The following DNAJC24 variants were observed in gnomAD, a reference collection of about 807,000 sequenced individuals.
DNAJC24 encodes the protein DnaJ heat shock protein family (Hsp40) member C24, also known as dnaJ homolog subfamily C member 24.
Under a neutral mutation model 18.0 loss-of-function variants are expected in DNAJC24, and 17 were observed. The ratio of observed to expected loss-of-function variants is 0.94; its 90% confidence interval spans 0.65 to 1.42. The LOEUF is 1.42. Among genes scored for constraint, DNAJC24 ranks in the 40% most tolerant of loss-of-function variants. DNAJC24 has a pLI of 0.00. For synonymous variants in DNAJC24, 55 were observed against 57.7 expected (o/e 0.95, Z 0.21); for missense variants, 158 against 175.6 (o/e 0.90, Z 0.57).
rs1024349378 is a variant in DNAJC24 at position 31,432,325 on chromosome 11, A to G, written c.*1924A>G. On this transcript the variant is annotated 3_prime_UTR_variant, in exon 5 of 5. Transcript: ENST00000465995. ...TTTTTTGGGTTACATTTTTATCCATATATTTTGAACTAACAGAACTTGGCA... is the reference window on the plus strand; with the variant it reads ...TTTTTTGGGTTACATTTTTATCCATGTATTTTGAACTAACAGAACTTGGCA... 2.1e-5 allele frequency: 11 copies of G among 517,576 alleles called. No homozygotes were observed. The highest frequency in any genetic ancestry group is 3.6e-5 in the Admixed American group (1 of 27,702). The allele number at this position is 517,576 out of a possible 1,614,324, so 32.1% of individuals were successfully genotyped here.
rs891356260 is a variant in DNAJC24, at chr11:31,373,065, T to A, written c.111+2206T>A. Among the ~76,000 whole-genome samples, 5 of 135,212 alleles carry A rather than the reference T, an allele frequency of 3.7e-5. 1 individual carries two copies. The highest frequency in any genetic ancestry group is 8.5e-5 in the Non-Finnish European group (5 of 58,524). The allele number at this position is 135,212 out of a possible 152,430, so 88.7% of individuals were successfully genotyped here. A position where few individuals can be genotyped will look rare whatever the true frequency, so the allele number is the denominator to read the frequency against. On this transcript the variant is annotated intron_variant, in intron 2 of 4. Transcript: ENST00000465995. Reference sequence around the variant, plus strand: ...GTATAATTTTCTTTTATGAAGTGTTTTTTTTTAAATTAAATATATTCTTGA... The same window carrying A: ...GTATAATTTTCTTTTATGAAGTGTTATTTTTTAAATTAAATATATTCTTGA...
rs538780221 is a variant in DNAJC24 at position 31,419,486 on chromosome 11, A to G, written c.250+4537A>G. On this transcript the variant is annotated intron_variant, in intron 3 of 4. Transcript: ENST00000465995. The stretch of plus-strand genomic sequence containing the variant: ...GAATGCAAATAACTGTGCAATGAAA[A>G]TGTATTTTAGGATCATTTCTCATTG... Among the ~76,000 whole-genome samples, 95 of 152,154 alleles carry G rather than the reference A, an allele frequency of 6.2e-4. 1 individual carries two copies. The highest frequency in any genetic ancestry group is 3.4e-3 in the Middle Eastern group (1 of 294).
intron 2 of DNAJC24, among the ~76,000 whole-genome samples, chr11:31,396,912 C>T (rs1952546899): frequency 6.6e-6 from 1 of 152,090 alleles, no homozygotes; most frequent in African/African-American, 2.4e-5. Flanking sequence ...ACTCTAATAC[C>T]CATTTTAGTA....
chr11:31,426,228 C>G (rs1952859721), intron 3 of DNAJC24, 59 bp from the exon 4 acceptor site: 1 of 1,135,432 alleles, frequency 8.8e-7, no homozygotes, highest in Admixed American at 2.4e-5. Context: ...TAGCATTCTT[C>G]AAGGTTACAA....
At chr11:31,407,247 T>C (rs372769647) in intron 2 of DNAJC24, among the ~76,000 whole-genome samples, 18 of 152,190 alleles carry the variant, frequency 1.2e-4, no homozygotes, top group African/African-American at 4.3e-4. Flanking sequence ...CTTTTCATGG[T>C]TTATTGTTAC....
chr11:31,381,498 G>A (rs1186439312), intron 2 of DNAJC24, among the ~76,000 whole-genome samples: 4 of 151,826 alleles, frequency 2.6e-5, no homozygotes, highest in Non-Finnish European at 2.9e-5. Context: ...TAGGATAAGT[G>A]TCTGGAAAAG....
At chr11:31,411,419 G>A (rs1344680522) in intron 2 of DNAJC24, among the ~76,000 whole-genome samples, 1 of 152,156 alleles carries the variant, frequency 6.6e-6, no homozygotes, top group South Asian at 2.1e-4. Context: ...AACTTGGGTG[G>A]TTTCAAATAT....
intron 2 of DNAJC24, among the ~76,000 whole-genome samples, chr11:31,413,471 C>T (rs1055377574): frequency 2.0e-5 from 3 of 151,676 alleles, no homozygotes; most frequent in Non-Finnish European, 4.4e-5. Flanking sequence ...GCTGGGATTA[C>T]AGGCGCCCAC....
At chr11:31,393,366 A>G (rs1952516735) in intron 2 of DNAJC24, among the ~76,000 whole-genome samples, 1 of 152,188 alleles carries the variant, frequency 6.6e-6, no homozygotes, top group Non-Finnish European at 1.5e-5. Flanking sequence ...AGAGACCAAG[A>G]GCACTCTCTA....
chr11:31,394,767 C>G (rs1349200291), intron 2 of DNAJC24, among the ~76,000 whole-genome samples: 3 of 151,030 alleles, frequency 2.0e-5, no homozygotes, highest in Non-Finnish European at 4.4e-5. Context: ...GAATTAAACA[C>G]CCAGGTAAAA....
At chr11:31,417,188 C>T (rs1439923788) in intron 3 of DNAJC24, 1 of 151,996 alleles carries the variant, frequency 6.6e-6, no homozygotes, top group African/African-American at 2.4e-5. Context: ...CCAGAGGCTC[C>T]AAATACTGAC....
Position 31,432,595 on chromosome 11 carries a change from C to T in DNAJC24, c.*2194C>T, listed in dbSNP as rs1403428219. The T allele has an allele frequency of 6.7e-7, 1 of 1,500,704 alleles. No homozygotes were observed. The highest frequency in any genetic ancestry group is 9.3e-7 in the Non-Finnish European group (1 of 1,076,920). 93.0% of individuals were successfully genotyped at this position (1,500,704 alleles called of 1,614,324 possible). A position where few individuals can be genotyped will look rare whatever the true frequency, so the allele number is the denominator to read the frequency against. On this transcript the variant is annotated 3_prime_UTR_variant, in exon 5 of 5. Coordinates refer to ENST00000465995, the MANE Select transcript of DNAJC24 (RefSeq NM_181706.5). ...TGTAAAATCAAAATGAGGTTGAAGA[C>T]AATTAGTGAAAGTAATGTTATAGTA...
chr11:31,381,673 C>A (rs1952378175), intron 2 of DNAJC24, among the ~76,000 whole-genome samples: 1 of 151,270 alleles, frequency 6.6e-6, no homozygotes, highest in Non-Finnish European at 1.5e-5. Context: ...CTTCCCAGTT[C>A]AAGCAATTCT....
intron 4 of DNAJC24, among the ~76,000 whole-genome samples, chr11:31,428,427 A>T (rs1035377407): frequency 6.6e-6 from 1 of 152,120 alleles, no homozygotes; most frequent in African/African-American, 2.4e-5. Flanking sequence ...TTTGAGCTAA[A>T]TTTTTTTTCC....
chr11:31,372,865 A>G lies in DNAJC24; in HGVS notation c.111+2006A>G, dbSNP rs1267803720. On this transcript the variant is annotated intron_variant, in intron 2 of 4. Coordinates refer to ENST00000465995, the MANE Select transcript of DNAJC24 (RefSeq NM_181706.5). ...TTTGTAAGATGTGTGGCAGGATCCT[A>G]GATGCCAGTAACAACCAAAAATGCC... 1.5e-5 allele frequency among the ~76,000 whole-genome samples: 2 copies of G among 134,572 alleles called. 1 individual carries two copies. Among genetic ancestry groups the G allele is most frequent in the Non-Finnish European group, 3.4e-5 (2 of 58,326 alleles). The allele number at this position is 134,572 out of a possible 152,430, so 88.3% of individuals were successfully genotyped here.
chr11:31,377,365 T>C (rs1245351074), intron 2 of DNAJC24, among the ~76,000 whole-genome samples: 2 of 152,122 alleles, frequency 1.3e-5, no homozygotes, highest in African/African-American at 2.4e-5. Flanking sequence ...TAGAATACTT[T>C]AAAGATACAT....
intron 2 of DNAJC24, among the ~76,000 whole-genome samples, chr11:31,390,705 T>TAAA (rs34050503): frequency 8.8e-6 from 1 of 114,092 alleles, no homozygotes. Flanking sequence ...GATTCCATCT[T>TAAA]AAAAAAAAAA....
chr11:31,370,269 A>T (rs1420568926), intron 1 of DNAJC24, among the ~76,000 whole-genome samples: 1 of 152,196 alleles, frequency 6.6e-6, no homozygotes, highest in Non-Finnish European at 1.5e-5. Context: ...AGAAACTTTC[A>T]GAAGGAATGC....
intron 2 of DNAJC24, among the ~76,000 whole-genome samples, chr11:31,403,968 GATT>G (rs1271678019): frequency 6.6e-6 from 1 of 152,212 alleles, no homozygotes; most frequent in Non-Finnish European, 1.5e-5. Flanking sequence ...GTTATTTCTT[GATT>G]ATATGTTAAA....
Sources: allele counts gnomAD v4.1 joint callset (sites outside exome capture counted in the v4.1 genomes callset), GRCh38; gene constraint gnomAD v4.1.1; transcripts MANE v1.5; gene names NCBI Gene and HGNC (gene_info 2026-07-23, HGNC 2026-07-21).